The following EBF4 variants were observed in gnomAD, a reference collection of about 807,000 sequenced individuals.
The protein encoded by EBF4 is EBF transcription factor 4, also known as transcription factor COE4.
In EBF4, 34 loss-of-function variants were observed where a neutral mutation model predicts 67.1. That is an observed-to-expected ratio of 0.51 (90% confidence interval 0.39 to 0.67). The LOEUF (loss-of-function observed/expected upper bound fraction) is 0.67. Among genes scored for constraint, EBF4 ranks in the 30% least tolerant of loss-of-function variants. The pLI is 0.00. For missense variants in EBF4, 837 were observed against 873.3 expected (o/e 0.96, Z 0.52); for synonymous variants, 387 against 377.7 (o/e 1.02, Z -0.29).
intron 15 of EBF4, 114 bp from the exon 16 acceptor site, chr20:2,758,788 GGCTGACT>G: frequency 1.2e-6 from 1 of 850,266 alleles, no homozygotes; most frequent in East Asian, 2.6e-5. Context: ...GGCTAGGGAT[GGCTGACT>G]GCCTTCAGAA....
chr20:2,748,605 A>C (rs1443179050), exon 7 of EBF4: 1 of 1,551,446 alleles, frequency 6.4e-7, no homozygotes, highest in African/African-American at 1.4e-5. Flanking sequence ...AATGCGGGGA[A>C]TCCCAGAGAC....
At chr20:2,725,720 G>C (rs1161592085) in intron 6 of EBF4, among the ~76,000 whole-genome samples, 1 of 152,164 alleles carries the variant, frequency 6.6e-6, no homozygotes, top group African/African-American at 2.4e-5. Context: ...CTGGAACAAG[G>C]GGTGCTACCA....
intron 15 of EBF4, 187 bp from the exon 16 acceptor site, chr20:2,758,722 C>T (rs1381766791): frequency 6.4e-6 from 4 of 622,454 alleles, no homozygotes; most frequent in Non-Finnish European, 1.2e-5. Flanking sequence ...GGGCTGCATC[C>T]CCTGAGCATC....
At chr20:2,742,694 T>TCCCTGCC (rs1390212893) in intron 6 of EBF4, among the ~76,000 whole-genome samples, 46 of 152,176 alleles carry the variant, frequency 3.0e-4, no homozygotes, top group African/African-American at 1.1e-3. Context: ...TCCTCCCCAC[T>TCCCTGCC]CCCTGCCCCC....
In EBF4 at chr20:2,741,254, G is replaced by A. The variant is rs550291191; in HGVS notation, c.558-7295G>A. On this transcript the variant is annotated intron_variant, in intron 6 of 16. Coordinates refer to ENST00000609451, the Ensembl canonical transcript of EBF4. ...TTAAGCCTGGGAGGTCAAGGCTGCA[G>A]TGAGCCAAGATCACACCACTGCACT... Among the ~76,000 whole-genome samples, 6 of 152,202 alleles carry A rather than the reference G, an allele frequency of 3.9e-5. 1 individual carries two copies. The South Asian group carries it at 1.0e-3, about 26-fold the overall frequency.
In EBF4 at chr20:2,693,651, C is replaced by T; in HGVS notation, c.6C>T (p.Phe2=). The change falls in exon 1 of 17, where the codon TTC becomes TTT. Residue 2 remains phenylalanine (F), a synonymous_variant. Coordinates refer to ENST00000609451, the Ensembl canonical transcript of EBF4. The surrounding 1 kb of genome is among the most constrained non-coding windows in gnomAD (Gnocchi z 4.6). ...CTCACTCACCGCGCGCCCTCATGTTCCCTGCGCAGGACGCTCTGCCCCGCA... is the reference window on the plus strand; with the variant it reads ...CTCACTCACCGCGCGCCCTCATGTTTCCTGCGCAGGACGCTCTGCCCCGCA... The T allele has an allele frequency of 6.9e-7, 1 of 1,439,832 alleles. No homozygotes were observed. Among genetic ancestry groups the T allele is most frequent in the African/African-American group, 1.5e-5 (1 of 67,234 alleles). The allele number at this position is 1,439,832 out of a possible 1,614,324, so 89.2% of individuals were successfully genotyped here. A position where few individuals can be genotyped will look rare whatever the true frequency, so the allele number is the denominator to read the frequency against.
chr20:2,699,702 C>T (rs1054822097), intron 1 of EBF4, among the ~76,000 whole-genome samples: 2 of 152,172 alleles, frequency 1.3e-5, no homozygotes, highest in South Asian at 2.1e-4. Context: ...CTGGAAAAGG[C>T]GTTTATGTGG....
intron 6 of EBF4, among the ~76,000 whole-genome samples, chr20:2,728,827 C>T (rs1398732286): frequency 1.3e-5 from 2 of 151,898 alleles, no homozygotes; most frequent in Non-Finnish European, 2.9e-5. Flanking sequence ...TCCTGGAAAC[C>T]TTTAGCTAAT....
intron 6 of EBF4, among the ~76,000 whole-genome samples, chr20:2,736,264 G>A (rs2087875434): frequency 6.6e-6 from 1 of 152,060 alleles, no homozygotes; most frequent in African/African-American, 2.4e-5. Context: ...GATACTCCCT[G>A]GCATTTAATT....
intron 6 of EBF4, among the ~76,000 whole-genome samples, chr20:2,737,051 C>G (rs926329117): frequency 5.9e-5 from 9 of 151,974 alleles, no homozygotes; most frequent in East Asian, 5.8e-4. Context: ...AGATGGAGAC[C>G]ATCCTGGCTA....
intron 6 of EBF4, 123 bp downstream of exon 6, chr20:2,709,765 G>T (rs903689247): frequency 9.5e-6 from 10 of 1,053,660 alleles, no homozygotes; most frequent in Admixed American, 3.1e-5. Context: ...CACCAGGTTG[G>T]GTGGCTCTGA....
chr20:2,741,559 A>C (rs2087968953), intron 6 of EBF4, among the ~76,000 whole-genome samples: 1 of 152,212 alleles, frequency 6.6e-6, no homozygotes, highest in Non-Finnish European at 1.5e-5. Flanking sequence ...TCCATGGACA[A>C]GACGTTTCTT....
intron 1 of EBF4, among the ~76,000 whole-genome samples, chr20:2,705,128 A>G (rs2087432355): frequency 6.6e-6 from 1 of 152,244 alleles, no homozygotes; most frequent in Admixed American, 6.5e-5. Flanking sequence ...CCACAGGCTC[A>G]TGACAGCCTC....
chr20:2,737,238 G>A (rs1160522973), intron 6 of EBF4, among the ~76,000 whole-genome samples: 2 of 124,628 alleles, frequency 1.6e-5, no homozygotes, highest in African/African-American at 3.2e-5. Context: ...TAACAGGAGC[G>A]AAACTCCGTC....
rs2088151757 is a variant in EBF4 at position 2,751,849 on chromosome 20, G to A, written c.1107+61G>A. On this transcript the variant is annotated intron_variant, in intron 11 of 16. Transcript: ENST00000609451. The surrounding 1 kb of genome is among the most constrained non-coding windows in gnomAD (Gnocchi z 5.2). ...TGTCCTGTGGGCAAGGGGGTGAGGAGGGGCTCCCGAGGGCCCCTTGGTCGC... is the reference window on the plus strand; with the variant it reads ...TGTCCTGTGGGCAAGGGGGTGAGGAAGGGCTCCCGAGGGCCCCTTGGTCGC... 3 of 1,548,500 alleles carry A rather than the reference G, an allele frequency of 1.9e-6. No homozygotes were observed. The highest frequency in any genetic ancestry group is 1.7e-6 in the Non-Finnish European group (2 of 1,146,294).
Position 2,751,594 on chromosome 20 carries a change from C to A in EBF4, c.1019-106C>A. ...CTGGGCCTGGTGGAGGGGGCTGCAG[C>A]GAGGCTCTCGGACTGGGCGCTGGCC... On this transcript the variant is annotated intron_variant, in intron 10 of 16. Coordinates refer to ENST00000609451, the Ensembl canonical transcript of EBF4. This position sits in a 1 kb window ranked among gnomAD's most constrained non-coding sequence, Gnocchi z 5.2. 2.6e-6 allele frequency: 3 copies of A among 1,170,924 alleles called. No homozygotes were observed. The highest frequency in any genetic ancestry group is 2.1e-5 in the Admixed American group (1 of 48,036). The allele number at this position is 1,170,924 out of a possible 1,614,324, so 72.5% of individuals were successfully genotyped here. A position where few individuals can be genotyped will look rare whatever the true frequency, so the allele number is the denominator to read the frequency against.
At chr20:2,731,347 C>A (rs1008632915) in intron 6 of EBF4, among the ~76,000 whole-genome samples, 2 of 152,286 alleles carry the variant, frequency 1.3e-5, no homozygotes, top group Middle Eastern at 6.8e-3. Context: ...CATCCAGGAC[C>A]AAGCAGTCTT....
At chr20:2,752,194 G>T in exon 13 of EBF4, 3 of 1,426,144 alleles carry the variant, frequency 2.1e-6, no homozygotes, top group South Asian at 1.4e-5. Flanking sequence ...CCCCGCCGTC[G>T]TGGGCATCAA....
At chr20:2,708,403 A>G (rs1445117041) in intron 5 of EBF4, among the ~76,000 whole-genome samples, 4 of 152,218 alleles carry the variant, frequency 2.6e-5, no homozygotes, top group Non-Finnish European at 5.9e-5. Context: ...ATCCTAGGGC[A>G]GCTCTCTGGC....
Sources: allele counts gnomAD v4.1 joint callset (sites outside exome capture counted in the v4.1 genomes callset), GRCh38; gene constraint gnomAD v4.1.1; non-coding constraint Gnocchi (gnomAD v3.1); transcripts MANE v1.5; gene names NCBI Gene and HGNC (gene_info 2026-07-23, HGNC 2026-07-21).